Variants in CEP120 observed in about 807,000 individuals in gnomAD.
The protein encoded by CEP120 is centrosomal protein of 120 kDa.
Under a neutral mutation model 126.5 loss-of-function variants are expected in CEP120, and 113 were observed. The observed-to-expected ratio is 0.89, with a 90% CI of 0.77 to 1.04. The LOEUF (loss-of-function observed/expected upper bound fraction) is 1.04. Among genes scored for constraint, CEP120 ranks in the 50% least tolerant of loss-of-function variants. The pLI is 0.00. For synonymous variants in CEP120, 400 were observed against 394.3 expected, an observed-to-expected ratio of 1.01 and a Z score of -0.17; for missense variants, 1,230 against 1,155.7, an observed-to-expected ratio of 1.06 and a Z score of -0.93.
chr5:123,407,956 G>T (rs994804790), intron 4 of CEP120, among the ~76,000 whole-genome samples: 5 of 151,628 alleles, frequency 3.3e-5, no homozygotes, highest in African/African-American at 1.2e-4. Context: ...AATAACACAT[G>T]GGTTAAAAAA....
intron 16 of CEP120, 93 bp downstream of exon 16, chr5:123,377,281 T>A: frequency 8.4e-7 from 1 of 1,191,376 alleles, no homozygotes; most frequent in Non-Finnish European, 1.2e-6. Flanking sequence ...TTACTATGAA[T>A]TTTACCACTT....
chr5:123,354,909 A>G (rs1769468169), intron 18 of CEP120, among the ~76,000 whole-genome samples: 2 of 151,874 alleles, frequency 1.3e-5, no homozygotes, highest in South Asian at 2.1e-4. Context: ...AGCATTAGGT[A>G]TATCTCCTAA....
intron 9 of CEP120, 69 bp downstream of exon 9, chr5:123,388,363 C>A: frequency 1.9e-6 from 2 of 1,076,542 alleles, no homozygotes; most frequent in Non-Finnish European, 2.6e-6. Flanking sequence ...TTTCTCTCTG[C>A]AATTCCCCAA....
intron 5 of CEP120, among the ~76,000 whole-genome samples, chr5:123,395,726 G>A (rs1217749587): frequency 6.9e-6 from 1 of 143,948 alleles, no homozygotes; most frequent in Non-Finnish European, 1.5e-5. Context: ...CTGTCACCCA[G>A]GCTCGAGTGC....
intron 10 of CEP120, among the ~76,000 whole-genome samples, 192 bp downstream of exon 10, chr5:123,386,326 T>C (rs899022651): frequency 6.6e-6 from 1 of 152,128 alleles, no homozygotes; most frequent in Non-Finnish European, 1.5e-5. Flanking sequence ...AAAAGAGCCT[T>C]TATAATAAAC....
intron 18 of CEP120, among the ~76,000 whole-genome samples, chr5:123,356,036 T>A (rs1191228813): frequency 6.6e-6 from 1 of 152,198 alleles, no homozygotes; most frequent in Non-Finnish European, 1.5e-5. Context: ...AAATAGGGAA[T>A]CCTTTCCCCA....
rs540886697 is a variant in CEP120 at position 123,416,018 on chromosome 5, T to C, written c.313A>G (p.Thr105Ala). 2.2e-5 allele frequency: 36 copies of C among 1,610,070 alleles called. No homozygotes were observed. Among genetic ancestry groups the C allele is most frequent in the South Asian group, 1.8e-4 (16 of 90,852 alleles). Reference sequence around the variant, plus strand: ...CATCAAAAGGGCAATACCTGCTTTGTTTCTTGAGCGGTTCTTAAATCCAGA... The same window carrying C: ...CATCAAAAGGGCAATACCTGCTTTGCTTCTTGAGCGGTTCTTAAATCCAGA... ...IVLDLRTAQETKQAPKWYQLL... is the reference protein window; with the variant it reads ...IVLDLRTAQEAKQAPKWYQLL... The change falls in exon 3 of 20, where the codon ACA becomes GCA. Residue 105 changes from threonine (T) to alanine (A), a missense_variant. By Grantham distance (58) the Thr-to-Ala change is moderately conservative (BLOSUM62 0). Coordinates refer to ENST00000306467, the MANE Select transcript of CEP120 (RefSeq NM_001375405.1).
intron 2 of CEP120, among the ~76,000 whole-genome samples, chr5:123,417,415 T>G (rs1774457371): frequency 6.6e-6 from 1 of 152,194 alleles, no homozygotes; most frequent in Non-Finnish European, 1.5e-5. Flanking sequence ...AGAGTATTGC[T>G]TTTATTGTTG....
intron 18 of CEP120, among the ~76,000 whole-genome samples, chr5:123,357,388 A>G (rs1270852049): frequency 6.6e-6 from 1 of 152,016 alleles, no homozygotes; most frequent in Admixed American, 6.6e-5. Context: ...TCTTTCTCCA[A>G]TTACACATAA....
chr5:123,393,178 A>T, intron 6 of CEP120, 122 bp downstream of exon 6: 1 of 866,558 alleles, frequency 1.2e-6, no homozygotes, highest in Non-Finnish European at 1.8e-6. Flanking sequence ...GATGTGGCAG[A>T]AAGATAACCT....
intron 4 of CEP120, among the ~76,000 whole-genome samples, chr5:123,404,327 C>T (rs560333465): frequency 6.6e-4 from 100 of 152,342 alleles, no homozygotes; most frequent in African/African-American, 2.2e-3. Context: ...TTGGCAAACA[C>T]ATCGCTGAAA....
chr5:123,382,737 C>T lies in CEP120; in HGVS notation c.2013G>A (p.Gln671=), dbSNP rs760405806. Reference sequence around the variant, plus strand: ...TTTAAAGTAACATTTAAAAAGTAACCTGATTTTCAAATATATCTTCTTGCA... The same window carrying T: ...TTTAAAGTAACATTTAAAAAGTAACTTGATTTTCAAATATATCTTCTTGCA... ...KEMQEDIFEN[Q]LKQKELAHMQ... is the part of the protein sequence containing the mutation. Residue 671 remains glutamine (Q), a splice_region_variant and synonymous_variant, in exon 13 of 20, where the codon CAG becomes CAA. Transcript: ENST00000306467. 8.7e-6 allele frequency: 14 copies of T among 1,608,764 alleles called. No homozygotes were observed. The highest frequency in any genetic ancestry group is 1.1e-5 in the Non-Finnish European group (13 of 1,177,580).
intron 9 of CEP120, among the ~76,000 whole-genome samples, chr5:123,388,148 TTATG>T (rs1160597257): frequency 1.3e-5 from 2 of 152,116 alleles, no homozygotes; most frequent in East Asian, 3.8e-4. Context: ...ATATGGCATA[TTATG>T]TATGTTTATC....
chr5:123,393,228 C>T (rs1414534940), intron 6 of CEP120, 72 bp downstream of exon 6: 57 of 1,331,452 alleles, frequency 4.3e-5, no homozygotes, highest in Non-Finnish European at 5.8e-5. Flanking sequence ...ACTAAACTCT[C>T]GTTTAGTTTA....
chr5:123,415,022 T>C (rs544182509), intron 3 of CEP120, among the ~76,000 whole-genome samples: 1 of 124,834 alleles, frequency 8.0e-6, no homozygotes, highest in Admixed American at 8.0e-5. Flanking sequence ...AGCACCATGT[T>C]AAATAATAAA....
intron 16 of CEP120, among the ~76,000 whole-genome samples, chr5:123,376,820 A>G (rs1771259448): frequency 6.6e-6 from 1 of 152,110 alleles, no homozygotes; most frequent in African/African-American, 2.4e-5. Context: ...ATCACGAATA[A>G]GATTGTTTTT....
chr5:123,421,564 G>A (rs1307093367), intron 1 of CEP120, among the ~76,000 whole-genome samples: 1 of 152,078 alleles, frequency 6.6e-6, no homozygotes, highest in African/African-American at 2.4e-5. Context: ...CATATCTAAA[G>A]CTCACTTATT....
chr5:123,391,083 G>A, intron 7 of CEP120, 27 bp downstream of exon 7: 1 of 1,556,084 alleles, frequency 6.4e-7, no homozygotes, highest in Non-Finnish European at 8.8e-7. Context: ...AGTGAAGCCA[G>A]GGGAATGAAG....
chr5:123,354,632 T>C (rs533629302), intron 18 of CEP120, among the ~76,000 whole-genome samples: 6 of 152,078 alleles, frequency 3.9e-5, no homozygotes, highest in Non-Finnish European at 7.4e-5. Flanking sequence ...TTTATAACTA[T>C]GAAAACTCCC....
Sources: allele counts gnomAD v4.1 joint callset (sites outside exome capture counted in the v4.1 genomes callset), GRCh38; gene constraint gnomAD v4.1.1; transcripts MANE v1.5; gene names NCBI Gene and HGNC (gene_info 2026-07-23, HGNC 2026-07-21).